Variants in MDM4 observed in about 807,000 individuals in gnomAD.
MDM4 encodes MDM4 regulator of p53.
MDM4 carries 2 observed loss-of-function variants against 60.2 expected under a neutral mutation model. The observed-to-expected ratio is 0.03, with a 90% confidence interval of 0.01 to 0.10. MDM4 has a LOEUF of 0.10. Among genes scored for constraint, MDM4 ranks in the 10% least tolerant of loss-of-function variants. The pLI, the probability that MDM4 is intolerant of heterozygous loss-of-function variation, is 1.00. For missense variants in MDM4, 447 were observed against 577.5 expected, an observed-to-expected ratio of 0.77 and a Z score of 2.32; for synonymous variants, 202 against 198.1, an observed-to-expected ratio of 1.02 and a Z score of -0.17.
chr1:204,546,818 G>T lies in MDM4; in HGVS notation c.844G>T (p.Asp282Tyr), dbSNP rs1158913937. 3.1e-6 allele frequency: 5 copies of T among 1,612,952 alleles called. No individual in the cohort carries two copies. Among genetic ancestry groups the T allele is most frequent in the East Asian group, 2.2e-5 (1 of 44,850 alleles). ...ACAGGTGATTGAAGTGGGAAAAAAT[G>T]ATGACCTGGAGGACTCTAAGTCCTT... ...DKKVIEVGKN[D>Y]DLEDSKSLSD... is the part of the protein sequence containing the mutation. Residue 282 changes from aspartate to tyrosine, a missense_variant, in exon 10 of 11, where the codon GAT (aspartate) becomes TAT (tyrosine). By Grantham distance (160) the Asp-to-Tyr change is radical (BLOSUM62 -3). Around this residue, in one of 8 missense-constraint regions of MDM4, gnomAD observed 184 missense variants for 179.3 expected, o/e 1.03. Transcript: ENST00000367182.
rs1663394073 is a variant in MDM4, at chr1:204,553,990, T to C, written c.*4308T>C. 2 of 225,018 alleles carry C rather than the reference T, an allele frequency of 8.9e-6. No homozygotes were observed. The highest frequency in any genetic ancestry group is 1.8e-5 in the Non-Finnish European group (2 of 113,052). 13.9% of individuals were successfully genotyped at this position (225,018 alleles called of 1,614,324 possible). ...GAGTCACTGCCAAGCATTTGAAATA[T>C]GCAGTTGTGTTTTAATTATAATTTA... On this transcript the variant is annotated 3_prime_UTR_variant, in exon 11 of 11. Transcript: ENST00000367182.
At chr1:204,517,445 C>A (rs1316618101) in intron 1 of MDM4, among the ~76,000 whole-genome samples, 2 of 151,178 alleles carry the variant, frequency 1.3e-5, no homozygotes, top group African/African-American at 4.9e-5. Flanking sequence ...CTCTTTTTGC[C>A]CAGGCTGGCG....
chr1:204,523,090 T>A (rs1193476811), intron 1 of MDM4, among the ~76,000 whole-genome samples: 1 of 149,364 alleles, frequency 6.7e-6, no homozygotes, highest in African/African-American at 2.4e-5. Context: ...GTTGAACTCC[T>A]GACCTCAGGT....
At chr1:204,537,246 G>A (rs1266176767) in intron 5 of MDM4, among the ~76,000 whole-genome samples, 184 bp from the exon 6 acceptor site, 1 of 151,678 alleles carries the variant, frequency 6.6e-6, no homozygotes, top group East Asian at 1.9e-4. Context: ...GGCCTGTCTT[G>A]GTCTTTGTCA....
In MDM4 at chr1:204,555,179, G is replaced by T. The variant is rs1026240120; in HGVS notation, c.*5497G>T. On this transcript the variant is annotated 3_prime_UTR_variant, in exon 11 of 11. Coordinates refer to ENST00000367182, the MANE Select transcript of MDM4 (RefSeq NM_002393.5). ...ATTTCTTTTTTTTTTTTTTTAGACG[G>T]AGTCTCTCTCTGTCGCCCCGGCTGG... 1.1e-5 allele frequency: 2 copies of T among 180,428 alleles called. No individual in the cohort carries two copies. The highest frequency in any genetic ancestry group is 2.3e-5 in the Non-Finnish European group (2 of 85,140). The allele number at this position is 180,428 out of a possible 1,614,324, so 11.2% of individuals were successfully genotyped here.
chr1:204,534,053 T>C (rs1661141268), intron 5 of MDM4, among the ~76,000 whole-genome samples: 1 of 152,206 alleles, frequency 6.6e-6, no homozygotes, highest in South Asian at 2.1e-4. Flanking sequence ...CCCGAGGTGT[T>C]GGGATTACAG....
rs1663325631 is a variant in MDM4, at chr1:204,552,877, T to TTC, written c.*3196_*3197insCT. 2 of 163,616 alleles carry TTC rather than the reference T, an allele frequency of 1.2e-5. No homozygotes were observed. Among genetic ancestry groups the TTC allele is most frequent in the South Asian group, 4.1e-4 (2 of 4,834 alleles). 10.1% of individuals were successfully genotyped at this position (163,616 alleles called of 1,614,324 possible). Reference sequence around the variant, plus strand: ...TAAACTATTTCTTTTCTTTTCTTTTTTTTTTTTTTTTACTTGAGATGGAGT... The same window carrying TTC: ...TAAACTATTTCTTTTCTTTTCTTTTTTCTTTTTTTTTTTACTTGAGATGGAGT... On this transcript the variant is annotated 3_prime_UTR_variant, in exon 11 of 11. Transcript: ENST00000367182.
intron 5 of MDM4, among the ~76,000 whole-genome samples, chr1:204,535,711 T>G (rs577151452): frequency 6.6e-6 from 1 of 151,740 alleles, no homozygotes; most frequent in Non-Finnish European, 1.5e-5. Context: ...TTTTGTGATT[T>G]TAGTAGAGAT....
chr1:204,544,139 C>T (rs1469682068), intron 8 of MDM4, among the ~76,000 whole-genome samples: 1 of 152,186 alleles, frequency 6.6e-6, no homozygotes, highest in African/African-American at 2.4e-5. Context: ...CATCCTTGAC[C>T]ATTTTAAGGG....
chr1:204,547,922 A>C (rs1662826494), intron 10 of MDM4, among the ~76,000 whole-genome samples: 1 of 152,160 alleles, frequency 6.6e-6, no homozygotes, highest in Admixed American at 6.5e-5. Context: ...GAGGATCTCC[A>C]TGTTGGTCAG....
chr1:204,552,888 T>TTTA lies in MDM4; in HGVS notation c.*3206_*3207insTTA. On this transcript the variant is annotated 3_prime_UTR_variant, in exon 11 of 11. Coordinates refer to ENST00000367182, the MANE Select transcript of MDM4 (RefSeq NM_002393.5). ...TTTTCTTTTCTTTTTTTTTTTTTTTTACTTGAGATGGAGTTTTGCTCTTGT... is the reference window on the plus strand; with the variant it reads ...TTTTCTTTTCTTTTTTTTTTTTTTTTTTAACTTGAGATGGAGTTTTGCTCTTGT... 6.8e-6 allele frequency: 1 copy of TTTA among 147,860 alleles called. No individual in the cohort carries two copies. 9.2% of individuals were successfully genotyped at this position (147,860 alleles called of 1,614,324 possible).
intron 8 of MDM4, 92 bp downstream of exon 8, chr1:204,543,036 A>T (rs1662285056): frequency 3.6e-6 from 4 of 1,117,608 alleles, no homozygotes; most frequent in Non-Finnish European, 5.1e-6. Flanking sequence ...TTCTCTAAGA[A>T]TTCTTATTTA....
At chr1:204,525,830 A>G (rs1321654837) in intron 2 of MDM4, among the ~76,000 whole-genome samples, 1 of 152,072 alleles carries the variant, frequency 6.6e-6, no homozygotes, top group Non-Finnish European at 1.5e-5. Flanking sequence ...AGTTCTAGCT[A>G]CTTGGGAGCC....
In MDM4 at chr1:204,550,630, C is replaced by T. The variant is rs921392317; in HGVS notation, c.*948C>T. Reference sequence around the variant, plus strand: ...AAGCTGGAGTGCAGTGGTGCAAACACGGCCCACCTCCTGGGCTCAAGTGAT... The same window carrying T: ...AAGCTGGAGTGCAGTGGTGCAAACATGGCCCACCTCCTGGGCTCAAGTGAT... On this transcript the variant is annotated 3_prime_UTR_variant, in exon 11 of 11. Transcript: ENST00000367182. 4 of 177,118 alleles carry T rather than the reference C, an allele frequency of 2.3e-5. No homozygotes were observed. Among genetic ancestry groups the T allele is most frequent in the Admixed American group, 6.4e-5 (1 of 15,692 alleles). 11.0% of individuals were successfully genotyped at this position (177,118 alleles called of 1,614,324 possible). A position where few individuals can be genotyped will look rare whatever the true frequency, so the allele number is the denominator to read the frequency against.
At chr1:204,546,741 A>G in intron 9 of MDM4, 56 bp from the exon 10 acceptor site, 1 of 1,213,306 alleles carries the variant, frequency 8.2e-7, no homozygotes, top group Non-Finnish European at 1.2e-6. Context: ...CTTTCAGTTA[A>G]TTAGCCTCAT....
rs542342171 is a variant in MDM4 at position 204,554,387 on chromosome 1, C to G, written c.*4705C>G. 1 of 226,246 alleles carries G rather than the reference C, an allele frequency of 4.4e-6. No individual in the cohort carries two copies. Among genetic ancestry groups the G allele is most frequent in the East Asian group, 6.4e-5 (1 of 15,634 alleles). 14.0% of individuals were successfully genotyped at this position (226,246 alleles called of 1,614,324 possible). On this transcript the variant is annotated 3_prime_UTR_variant, in exon 11 of 11. Coordinates refer to ENST00000367182, the MANE Select transcript of MDM4 (RefSeq NM_002393.5). ...GAGCAATTAGTTCTGATGGTTCTCC[C>G]AGTCATGAGTGTGCATGTGTGCAAG...
At chr1:204,546,712 G>T in intron 9 of MDM4, 85 bp from the exon 10 acceptor site, 1 of 826,362 alleles carries the variant, frequency 1.2e-6, no homozygotes, top group South Asian at 1.6e-5. Flanking sequence ...GTTTTAAATT[G>T]AAGCAGTTGT....
chr1:204,534,976 G>A (rs1284684602), intron 5 of MDM4, among the ~76,000 whole-genome samples: 1 of 151,998 alleles, frequency 6.6e-6, no homozygotes, highest in East Asian at 1.9e-4. Flanking sequence ...TATCTGTTCT[G>A]ACTTGCAATT....
chr1:204,518,467 C>T (rs535831698), intron 1 of MDM4, among the ~76,000 whole-genome samples: 1 of 152,326 alleles, frequency 6.6e-6, no homozygotes, highest in Non-Finnish European at 1.5e-5. Flanking sequence ...GCTTGCTCTC[C>T]ATTTTCCCTA....
Sources: allele counts gnomAD v4.1 joint callset (sites outside exome capture counted in the v4.1 genomes callset), GRCh38; gene constraint gnomAD v4.1.1; regional missense constraint gnomAD v4.1.1; transcripts MANE v1.5; gene names NCBI Gene and HGNC (gene_info 2026-07-23, HGNC 2026-07-21).